The following TPCN1 variants were observed in gnomAD, a reference collection of about 807,000 sequenced individuals.
TPCN1 encodes two pore segment channel 1, also known as two pore channel protein 1.
Under a neutral mutation model 108.8 loss-of-function variants are expected in TPCN1, and 52 were observed. The observed-to-expected ratio is 0.48, with a 90% CI of 0.38 to 0.60. The LOEUF is 0.60. Among genes scored for constraint, TPCN1 ranks in the 20% least tolerant of loss-of-function variants. The probability of loss-of-function intolerance (pLI) is 0.00; values close to 1 mark genes in which losing one functional copy is unlikely to be tolerated. For synonymous variants in TPCN1, 446 were observed against 433.7 expected, an observed-to-expected ratio of 1.03 and a Z score of -0.35; for missense variants, 806 against 1,072.8, an observed-to-expected ratio of 0.75 and a Z score of 3.47.
At chr12:113,279,951 G>C (rs575952525) in intron 14 of TPCN1, among the ~76,000 whole-genome samples, 200 bp from the exon 15 acceptor site, 2 of 152,112 alleles carry the variant, frequency 1.3e-5, no homozygotes, top group African/African-American at 4.8e-5. Flanking sequence ...TTGTCTGGGG[G>C]TCTGAGCAGA....
At chr12:113,224,540 G>A (rs1953397427) in intron 1 of TPCN1, among the ~76,000 whole-genome samples, 1 of 151,936 alleles carries the variant, frequency 6.6e-6, no homozygotes. Flanking sequence ...GGGACTACAG[G>A]CGTCTGCCAC....
chr12:113,287,612 G>A (rs1397920228), intron 19 of TPCN1, among the ~76,000 whole-genome samples: 1 of 152,184 alleles, frequency 6.6e-6, no homozygotes, highest in Non-Finnish European at 1.5e-5. Context: ...CTTGCCTCCT[G>A]ACCCTCCAGC....
chr12:113,284,846 C>G lies in TPCN1; in HGVS notation c.1453+75C>G. The G allele has an allele frequency of 6.8e-7, 1 of 1,481,174 alleles. No individual in the cohort carries two copies. The highest frequency in any genetic ancestry group is 9.4e-7 in the Non-Finnish European group (1 of 1,060,340). The allele number at this position is 1,481,174 out of a possible 1,614,324, so 91.8% of individuals were successfully genotyped here. A position where few individuals can be genotyped will look rare whatever the true frequency, so the allele number is the denominator to read the frequency against. ...GGAGAACTTTCATTCAGTGTAGAAC[C>G]TCATGGTTCTTCTCTAAAACAGGAA... On this transcript the variant is annotated intron_variant, in intron 17 of 27. Transcript: ENST00000335509. The surrounding 1 kb of genome is among the most constrained non-coding windows in gnomAD (Gnocchi z 4.1).
At chr12:113,249,042 G>A (rs1954520883) in intron 2 of TPCN1, among the ~76,000 whole-genome samples, 1 of 151,976 alleles carries the variant, frequency 6.6e-6, no homozygotes, top group African/African-American at 2.4e-5. Flanking sequence ...GAGAGGAGGA[G>A]CCTCCTGATT....
At position 113,226,737 on chromosome 12, in the gene TPCN1, C is replaced by G; in HGVS notation, c.-116C>G. On this transcript the variant is annotated 5_prime_UTR_variant, in exon 2 of 28. Coordinates refer to ENST00000335509, the MANE Select transcript of TPCN1 (RefSeq NM_017901.6). ...AATTCCCAAACCCTAGAAGATGCCT[C>G]TAATGGAGGAGTTTCTGAGCAGCAC... The G allele has an allele frequency of 6.4e-7, 1 of 1,566,658 alleles. No homozygotes were observed. Among genetic ancestry groups the G allele is most frequent in the South Asian group, 1.2e-5 (1 of 86,008 alleles).
chr12:113,235,385 T>C (rs577864547), intron 2 of TPCN1, among the ~76,000 whole-genome samples: 2 of 152,344 alleles, frequency 1.3e-5, no homozygotes, highest in East Asian at 3.9e-4. Flanking sequence ...TTTAGACCGC[T>C]ACTGTTTTTT....
In TPCN1 at chr12:113,289,564, C is replaced by G. The variant is rs530011314; in HGVS notation, c.1797-564C>G. Among the ~76,000 whole-genome samples, 1 of 152,250 alleles carries G rather than the reference C, an allele frequency of 6.6e-6. No homozygotes were observed. Among genetic ancestry groups the G allele is most frequent in the South Asian group, 2.1e-4 (1 of 4,826 alleles). On this transcript the variant is annotated intron_variant, in intron 21 of 27. Coordinates refer to ENST00000335509, the MANE Select transcript of TPCN1 (RefSeq NM_017901.6). The surrounding 1 kb of genome is among the most constrained non-coding windows in gnomAD (Gnocchi z 4.1). ...ACCTCACTCTTGTGTCTGATGCATG[C>G]GTGTGGGAGGAGGCTCCCTGGTGGC...
chr12:113,244,404 T>C, intron 2 of TPCN1: 2 of 985,486 alleles, frequency 2.0e-6, no homozygotes, highest in Non-Finnish European at 2.4e-6. Context: ...TTGGAGCCTT[T>C]ACTAACGTGT....
rs764137126 is a variant in TPCN1, at chr12:113,278,789, G to A, written c.1251G>A (p.Glu417=). 24 of 1,614,040 alleles carry A rather than the reference G, an allele frequency of 1.5e-5. No homozygotes were observed. The South Asian group carries it at 2.4e-4, about 16-fold the overall frequency. The part of the protein sequence containing the change: ...ALKWKAKKNR[E]HWFDELPRTA... ...TCTACCAGGCCAAGAAAAACAGAGA[G>A]CACTGGTTTGATGAGCTTCCCAGGA... The change falls in exon 14 of 28, where the codon GAG becomes GAA. Residue 417 remains glutamate, a synonymous_variant. Transcript: ENST00000335509.
chr12:113,227,903 T>G (rs551051231), intron 2 of TPCN1, among the ~76,000 whole-genome samples: 1 of 152,228 alleles, frequency 6.6e-6, no homozygotes, highest in East Asian at 1.9e-4. Context: ...TCCAGGGATG[T>G]GAGTGTGGTG....
intron 2 of TPCN1, among the ~76,000 whole-genome samples, chr12:113,250,252 G>A (rs1954580845): frequency 6.6e-6 from 1 of 152,206 alleles, no homozygotes; most frequent in Non-Finnish European, 1.5e-5. Flanking sequence ...TGCTCAGATT[G>A]TGGCACTGCC....
intron 27 of TPCN1, among the ~76,000 whole-genome samples, chr12:113,294,486 G>C (rs1956366397): frequency 6.6e-6 from 1 of 152,046 alleles, no homozygotes; most frequent in Non-Finnish European, 1.5e-5. Context: ...ATTTAGCCAG[G>C]CCTGGTTCCG....
chr12:113,271,131 A>G (rs1656968937), intron 7 of TPCN1, among the ~76,000 whole-genome samples: 1 of 151,994 alleles, frequency 6.6e-6, no homozygotes, highest in African/African-American at 2.4e-5. Context: ...TTAGCTGGGT[A>G]TGGTGGCATG....
At chr12:113,295,302 G>A (rs1165712578) in intron 27 of TPCN1, among the ~76,000 whole-genome samples, 1 of 152,072 alleles carries the variant, frequency 6.6e-6, no homozygotes, top group Non-Finnish European at 1.5e-5. Flanking sequence ...GTAGGGTAGG[G>A]TATGGTGGTG....
chr12:113,237,129 C>T (rs1953927538), intron 2 of TPCN1, among the ~76,000 whole-genome samples: 1 of 152,174 alleles, frequency 6.6e-6, no homozygotes, highest in African/African-American at 2.4e-5. Flanking sequence ...GGGATGCTGT[C>T]TCTAGCCAAC....
intron 18 of TPCN1, 109 bp from the exon 19 acceptor site, chr12:113,286,878 G>C (rs1956101407): frequency 1.4e-6 from 1 of 739,612 alleles, no homozygotes; most frequent in African/African-American, 1.7e-5. Flanking sequence ...TGTTGGTGTT[G>C]CTGTGTCTGG....
chr12:113,232,421 C>T lies in TPCN1; in HGVS notation c.112+5457C>T, dbSNP rs948106401. 4.6e-5 allele frequency among the ~76,000 whole-genome samples: 7 copies of T among 152,262 alleles called. No homozygotes were observed. Among genetic ancestry groups the T allele is most frequent in the East Asian group, 1.9e-4 (1 of 5,200 alleles). ...CCAGAGCTGTTGGCCGCAGGGCCGC[C>T]GTAGCCAGGAGGAGTTGGGAGAGAT... On this transcript the variant is annotated intron_variant, in intron 2 of 27. Coordinates refer to ENST00000335509, the MANE Select transcript of TPCN1 (RefSeq NM_017901.6). This position sits in a 1 kb window ranked among gnomAD's most constrained non-coding sequence, Gnocchi z 5.6.
Position 113,295,946 on chromosome 12 carries a change from G to A in TPCN1, c.2335-14G>A. 1 of 1,578,740 alleles carries A rather than the reference G, an allele frequency of 6.3e-7. No homozygotes were observed. Among genetic ancestry groups the A allele is most frequent in the Non-Finnish European group, 8.6e-7 (1 of 1,162,912 alleles). ...GGGTGCAGCCCTCAGCACCCCTTCT[G>A]CTCTCTTCTCCAGGAGTGGTATGAG... is the stretch of plus-strand genomic sequence containing the variant. On this transcript the variant is annotated splice_polypyrimidine_tract_variant and intron_variant, in intron 27 of 27. Transcript: ENST00000335509.
chr12:113,292,056 A>G, intron 25 of TPCN1, 98 bp downstream of exon 25: 3 of 986,442 alleles, frequency 3.0e-6, no homozygotes, highest in Middle Eastern at 2.1e-4. Context: ...TCAGGCTGTC[A>G]TTTTTCTGCT....
Sources: allele counts gnomAD v4.1 joint callset (sites outside exome capture counted in the v4.1 genomes callset), GRCh38; gene constraint gnomAD v4.1.1; non-coding constraint Gnocchi (gnomAD v3.1); transcripts MANE v1.5; gene names NCBI Gene and HGNC (gene_info 2026-07-23, HGNC 2026-07-21).